TMEM178A: variants seen among roughly 807,000 people sequenced by gnomAD.
The protein encoded by TMEM178A is transmembrane protein 178.
In TMEM178A, 12 loss-of-function variants were observed where a neutral mutation model predicts 29.1. The observed-to-expected ratio is 0.41, with a 90% confidence interval of 0.26 to 0.67. The LOEUF (loss-of-function observed/expected upper bound fraction) is 0.67, where lower values mean the gene tolerates loss of function less well. TMEM178A is among the 30% of genes least tolerant of loss of function. The pLI is 0.29. For synonymous variants in TMEM178A, 210 were observed against 187.2 expected (o/e 1.12, Z -0.99); for missense variants, 366 against 419.1 (o/e 0.87, Z 1.11).
chr2:39,671,342 G>T (rs914707458), intron 1 of TMEM178A, among the ~76,000 whole-genome samples: 2 of 152,174 alleles, frequency 1.3e-5, no homozygotes, highest in African/African-American at 4.8e-5. Flanking sequence ...ATTTTCTTCA[G>T]CTCATTTGTA....
chr2:39,701,041 A>G (rs1274004510), intron 1 of TMEM178A, among the ~76,000 whole-genome samples: 3 of 152,086 alleles, frequency 2.0e-5, no homozygotes, highest in African/African-American at 7.2e-5. Flanking sequence ...GAGATTTATA[A>G]TTGTTGCTTT....
At chr2:39,714,083 T>A (rs1427928049) in intron 3 of TMEM178A, among the ~76,000 whole-genome samples, 1 of 152,068 alleles carries the variant, frequency 6.6e-6, no homozygotes, top group East Asian at 1.9e-4. Flanking sequence ...AATGCGAGGG[T>A]CTGAAAATGA....
At chr2:39,703,165 C>T (rs925693919) in intron 1 of TMEM178A, among the ~76,000 whole-genome samples, 14 of 152,124 alleles carry the variant, frequency 9.2e-5, no homozygotes, top group Admixed American at 3.9e-4. Context: ...GACTAACATT[C>T]GCTCATGCCT....
chr2:39,728,671 C>T, the TMEM178A span, among the ~76,000 whole-genome samples: 45 of 152,016 alleles, frequency 3.0e-4, 1 homozygote, highest in African/African-American at 1.0e-3. Context: ...ATTAGTACTG[C>T]TACCTCTTAC....
chr2:39,723,390 G>A, the TMEM178A span, among the ~76,000 whole-genome samples: 2 of 152,206 alleles, frequency 1.3e-5, no homozygotes, highest in African/African-American at 4.8e-5. Context: ...TGTTAGTTCT[G>A]GACTCTGTTG....
At chr2:39,681,455 A>G (rs148313224) in intron 1 of TMEM178A, among the ~76,000 whole-genome samples, 164 of 152,324 alleles carry the variant, frequency 1.1e-3, no homozygotes, top group African/African-American at 3.8e-3. Context: ...AGAGGAGAAA[A>G]ATGAAAGTGT....
chr2:39,704,243 C>A, intron 2 of TMEM178A, 49 bp downstream of exon 2: 2 of 1,504,078 alleles, frequency 1.3e-6, no homozygotes, highest in Non-Finnish European at 1.8e-6. Flanking sequence ...TCATTCTGAA[C>A]AAAATTCCCA....
downstream of TMEM178A, among the ~76,000 whole-genome samples, chr2:39,718,558 A>G (rs1173917520): frequency 1.3e-5 from 2 of 152,240 alleles, no homozygotes; most frequent in South Asian, 4.1e-4. Flanking sequence ...CTTATTTAGC[A>G]CTTACTATGT....
At chr2:39,715,448 G>A (rs1259237306) in intron 3 of TMEM178A, among the ~76,000 whole-genome samples, 1 of 113,454 alleles carries the variant, frequency 8.8e-6, no homozygotes, top group Non-Finnish European at 2.0e-5. Context: ...CTTTTCACAA[G>A]GTTTGAGAAA....
chr2:39,705,958 C>T (rs763285176), intron 2 of TMEM178A, among the ~76,000 whole-genome samples: 29 of 151,876 alleles, frequency 1.9e-4, no homozygotes, highest in African/African-American at 4.6e-4. Context: ...TGAAATTTAG[C>T]GAACAATTTT....
At chr2:39,674,935 A>C (rs1347922013) in intron 1 of TMEM178A, among the ~76,000 whole-genome samples, 1 of 152,172 alleles carries the variant, frequency 6.6e-6, no homozygotes, top group Non-Finnish European at 1.5e-5. Context: ...AATTTCAAGC[A>C]GTGATTCTTA....
At chr2:39,723,320 A>G in the TMEM178A span, among the ~76,000 whole-genome samples, 1 of 152,214 alleles carries the variant, frequency 6.6e-6, no homozygotes, top group Non-Finnish European at 1.5e-5. Context: ...AAATGAACTT[A>G]AAGACCTGAA....
intron 3 of TMEM178A, among the ~76,000 whole-genome samples, chr2:39,712,748 C>A (rs913576161): frequency 2.0e-5 from 3 of 152,000 alleles, no homozygotes; most frequent in East Asian, 1.9e-4. Flanking sequence ...GAAGGGAAAG[C>A]CTCAGAGAAG....
intron 3 of TMEM178A, among the ~76,000 whole-genome samples, chr2:39,707,937 A>G (rs2540241): frequency 6.6e-6 from 1 of 152,236 alleles, no homozygotes; most frequent in African/African-American, 2.4e-5. Flanking sequence ...TTTTACATAC[A>G]CAACACTCAT....
intron 1 of TMEM178A, 25 bp downstream of exon 1, chr2:39,666,399 C>T: frequency 2.3e-6 from 3 of 1,317,120 alleles, no homozygotes; most frequent in Non-Finnish European, 2.9e-6. Flanking sequence ...CACCCCGCGT[C>T]CCCGGCGCCC....
In TMEM178A at chr2:39,708,409, ATTTTTT is replaced by A. The variant is rs956611778; in HGVS notation, c.652+1245_652+1250del. 6.3e-3 allele frequency among the ~76,000 whole-genome samples: 437 copies of A among 69,688 alleles called. 3 individuals carry two copies. The highest frequency in any genetic ancestry group is 0.021 in the African/African-American group (374 of 17,640). 45.7% of individuals were successfully genotyped at this position (69,688 alleles called of 152,430 possible). On this transcript the variant is annotated intron_variant, in intron 3 of 3. Coordinates refer to ENST00000281961, the MANE Select transcript of TMEM178A (RefSeq NM_152390.3). ...AGGTTTGAAGCAAAGGAGTGACTTG[ATTTTTT>A]TTTTTTTTTTTTTTTTTTTTTGAGA...
chr2:39,712,782 C>A lies in TMEM178A; in HGVS notation c.653-4228C>A, dbSNP rs1269307431. On this transcript the variant is annotated intron_variant, in intron 3 of 3. Coordinates refer to ENST00000281961, the MANE Select transcript of TMEM178A (RefSeq NM_152390.3). ...AGAATGGAGGAGAGGCCACCTTTCT[C>A]CCCATGGATCTTCAGGAAGGACCAT... Among the ~76,000 whole-genome samples, 9 of 152,150 alleles carry A rather than the reference C, an allele frequency of 5.9e-5. 1 individual carries two copies. The highest frequency in any genetic ancestry group is 5.9e-4 in the Admixed American group (9 of 15,278).
intron 1 of TMEM178A, among the ~76,000 whole-genome samples, chr2:39,673,423 A>C (rs1012698526): frequency 3.3e-5 from 5 of 152,258 alleles, no homozygotes; most frequent in African/African-American, 1.2e-4. Flanking sequence ...ATTATTTTCT[A>C]TAACTTGCTG....
chr2:39,690,021 G>C (rs10196294), intron 1 of TMEM178A, among the ~76,000 whole-genome samples: 10,109 of 152,186 alleles, frequency 0.066, 1,039 homozygotes, highest in African/African-American at 0.22. Flanking sequence ...CTGATTTCCA[G>C]AGCCTCACAG....
Sources: gnomAD v4.1 joint callset for allele counts (sites outside exome capture counted in the v4.1 genomes callset) on GRCh38, gnomAD v4.1.1 for gene constraint, MANE v1.5 for transcripts, NCBI Gene and HGNC (gene_info 2026-07-23, HGNC 2026-07-21) for gene names.